Variants in DISP1 observed in about 807,000 individuals in gnomAD.
The protein encoded by DISP1 is protein dispatched homolog 1.
In DISP1, 30 loss-of-function variants were observed where a neutral mutation model predicts 37.3. That is an observed-to-expected ratio of 0.80 (90% confidence interval 0.60 to 1.09). The LOEUF is 1.09. Ranked by LOEUF, DISP1 falls within the 50% of genes least tolerant of loss-of-function variation. The probability of loss-of-function intolerance (pLI) is 0.00; values close to 1 mark genes in which losing one functional copy is unlikely to be tolerated. For synonymous variants in DISP1, 634 were observed against 690.2 expected, an observed-to-expected ratio of 0.92 and a Z score of 1.28; for missense variants, 1,598 against 1,879.5, an observed-to-expected ratio of 0.85 and a Z score of 2.77.
intron 3 of DISP1, chr1:222,979,570 T>C (rs1306377136): frequency 1.5e-5 from 7 of 470,304 alleles, no homozygotes; most frequent in Non-Finnish European, 2.6e-5. Flanking sequence ...GAAAAATCAA[T>C]GTGTAATTGT....
At chr1:222,993,263 T>C (rs1281655877) in intron 7 of DISP1, among the ~76,000 whole-genome samples, 1 of 152,182 alleles carries the variant, frequency 6.6e-6, no homozygotes, top group Non-Finnish European at 1.5e-5. Context: ...GCCTGATTAC[T>C]CTGCAGCTGC....
At position 222,991,546 on chromosome 1, in the gene DISP1, A is replaced by T; in HGVS notation, c.690A>T (p.Ile230=). 1 of 1,613,934 alleles carries T rather than the reference A, an allele frequency of 6.2e-7. No individual in the cohort carries two copies. ...LLGFEPRGTA[I]GQRLVTWNNM... ...GTTTTGAACCAAGAGGAACAGCAAT[A>T]GGCCAGAGATTGGTCACATGGAATA... Residue 230 remains isoleucine (I), a synonymous_variant, in exon 6 of 9, where the codon ATA becomes ATT. Coordinates refer to ENST00000675850, the MANE Select transcript of DISP1 (RefSeq NM_001377229.1).
At chr1:222,986,016 A>C (rs937093571) in intron 4 of DISP1, among the ~76,000 whole-genome samples, 1 of 152,224 alleles carries the variant, frequency 6.6e-6, no homozygotes, top group Non-Finnish European at 1.5e-5. Flanking sequence ...AGAGAAACAG[A>C]AAAGAATACA....
chr1:222,871,599 G>T (rs1669580823), intron 1 of DISP1, among the ~76,000 whole-genome samples: 1 of 152,094 alleles, frequency 6.6e-6, no homozygotes. Flanking sequence ...GTCTGTTATT[G>T]GTGTATAAGA....
At chr1:222,931,883 G>A (rs1327183885) in intron 2 of DISP1, among the ~76,000 whole-genome samples, 1 of 151,858 alleles carries the variant, frequency 6.6e-6, no homozygotes, top group Non-Finnish European at 1.5e-5. Flanking sequence ...ATATGGCAAG[G>A]TGTTTCACAT....
chr1:222,983,986 T>C (rs932116217), intron 4 of DISP1, among the ~76,000 whole-genome samples: 1 of 152,214 alleles, frequency 6.6e-6, no homozygotes, highest in Non-Finnish European at 1.5e-5. Flanking sequence ...GAAGCTCAAA[T>C]GCTGATAACA....
At chr1:222,939,941 C>T (rs532293310) in intron 2 of DISP1, among the ~76,000 whole-genome samples, 30 of 151,808 alleles carry the variant, frequency 2.0e-4, no homozygotes, top group East Asian at 1.6e-3. Context: ...CTGGCTAACA[C>T]GGTGAGATCC....
intron 2 of DISP1, among the ~76,000 whole-genome samples, 193 bp downstream of exon 2, chr1:222,928,763 AG>A (rs907346098): frequency 3.3e-5 from 5 of 152,088 alleles, no homozygotes; most frequent in African/African-American, 1.2e-4. Context: ...AATCTTGTGA[AG>A]TTTATTTAAA....
chr1:222,928,853 A>C (rs1318314538), intron 2 of DISP1, among the ~76,000 whole-genome samples: 2 of 152,194 alleles, frequency 1.3e-5, no homozygotes, highest in African/African-American at 4.8e-5. Flanking sequence ...AGTTGGAAGG[A>C]AACCTAAGCT....
intron 3 of DISP1, among the ~76,000 whole-genome samples, chr1:222,950,403 G>A (rs567589955): frequency 1.6e-4 from 25 of 152,106 alleles, no homozygotes; most frequent in South Asian, 1.0e-3. Context: ...GATCGAGACC[G>A]TCCTGGCTAA....
intron 1 of DISP1, among the ~76,000 whole-genome samples, chr1:222,833,899 G>GTGAGGT (rs1259879489): frequency 6.6e-6 from 1 of 152,186 alleles, no homozygotes; most frequent in Non-Finnish European, 1.5e-5. Context: ...GTAGGTTGTT[G>GTGAGGT]TGAGGTTGTT....
At chr1:222,901,463 A>G (rs1028098628) in intron 1 of DISP1, among the ~76,000 whole-genome samples, 2 of 152,114 alleles carry the variant, frequency 1.3e-5, no homozygotes, top group Admixed American at 6.6e-5. Context: ...ATATTTGGGG[A>G]CCTGCAGAAG....
chr1:222,941,837 G>A (rs1305318962), intron 2 of DISP1, among the ~76,000 whole-genome samples: 1 of 152,050 alleles, frequency 6.6e-6, no homozygotes, highest in Non-Finnish European at 1.5e-5. Context: ...GGGTTAGCGA[G>A]CTAAATTACA....
chr1:222,905,971 C>T (rs748031005), intron 1 of DISP1, among the ~76,000 whole-genome samples: 9 of 152,114 alleles, frequency 5.9e-5, no homozygotes, highest in Non-Finnish European at 1.2e-4. Flanking sequence ...GTTTAATAAG[C>T]AGTGGGTGGT....
chr1:222,894,334 G>C (rs1417349426), intron 1 of DISP1, among the ~76,000 whole-genome samples: 2 of 152,194 alleles, frequency 1.3e-5, no homozygotes, highest in African/African-American at 4.8e-5. Flanking sequence ...GGCTGTTCCT[G>C]CAGAGAGGCA....
At chr1:222,922,067 G>T (rs1672831745) in intron 1 of DISP1, among the ~76,000 whole-genome samples, 2 of 140,676 alleles carry the variant, frequency 1.4e-5, no homozygotes, top group African/African-American at 5.2e-5. Flanking sequence ...AAAGGCCATT[G>T]CTGGTAGAGA....
At chr1:222,942,720 T>G in intron 2 of DISP1, 87 bp from the exon 3 acceptor site, 303 of 1,480,184 alleles carry the variant, frequency 2.0e-4, no homozygotes, top group Non-Finnish European at 2.6e-4. Context: ...TCATTTTCAA[T>G]GAGCTGTTTT....
chr1:222,859,794 T>A (rs1376962720), intron 1 of DISP1, among the ~76,000 whole-genome samples: 1 of 152,232 alleles, frequency 6.6e-6, no homozygotes, highest in South Asian at 2.1e-4. Flanking sequence ...GAGTTTGGGA[T>A]GAATTAGTTC....
rs868778611 is a variant in DISP1, at chr1:222,986,565, C to T, written c.539+3456C>T. ...AGTGAAAACTCCAGCATGGCAGTAA[C>T]ACCCTGGACCAGAACGCCAGGCAGC... On this transcript the variant is annotated intron_variant, in intron 4 of 8. Transcript: ENST00000675850. 2.2e-4 allele frequency among the ~76,000 whole-genome samples: 34 copies of T among 152,216 alleles called. 1 individual carries two copies. The highest frequency in any genetic ancestry group is 8.2e-4 in the African/African-American group (34 of 41,446).
Sources: allele counts gnomAD v4.1 joint callset (sites outside exome capture counted in the v4.1 genomes callset), GRCh38; gene constraint gnomAD v4.1.1; transcripts MANE v1.5; gene names NCBI Gene and HGNC (gene_info 2026-07-23, HGNC 2026-07-21).